The following TICRR variants were observed in gnomAD, a reference collection of about 807,000 sequenced individuals.
TICRR encodes the protein TOPBP1 interacting checkpoint and replication regulator, also known as treslin.
A neutral mutation model predicts 178.1 loss-of-function variants in TICRR; 132 were observed. The ratio of observed to expected loss-of-function variants is 0.74; its 90% CI spans 0.64 to 0.86. The LOEUF (loss-of-function observed/expected upper bound fraction) is 0.86. Ranked by LOEUF, TICRR falls within the 40% of genes least tolerant of loss-of-function variation. The pLI, the probability that TICRR is intolerant of heterozygous loss-of-function variation, is 0.00. For missense variants in TICRR, 2,587 were observed against 2,334.3 expected (o/e 1.11, Z -2.23); for synonymous variants, 991 against 900.7 (o/e 1.10, Z -1.79).
In TICRR at chr15:89,623,737, G is replaced by A; in HGVS notation, c.3427G>A (p.Ala1143Thr). The A allele has an allele frequency of 6.2e-7, 1 of 1,613,992 alleles. No homozygotes were observed. The highest frequency in any genetic ancestry group is 8.5e-7 in the Non-Finnish European group (1 of 1,180,016). ...TCCAGAAAGGCTGCAGAAGTCCCCT[G>A]CAAAAATGACCCCTACAAAGCAGGC... Reference protein sequence around the residue: ...YTPERLQKSPAKMTPTKQAAF... With the variant: ...YTPERLQKSPTKMTPTKQAAF... The change falls in exon 20 of 22, where the codon GCA becomes ACA. Residue 1143 changes from alanine (A) to threonine (T), a missense_variant. Ala to Thr is a moderately conservative substitution (Grantham distance 58, BLOSUM62 0). Transcript: ENST00000268138.
chr15:89,619,631 G>C, intron 17 of TICRR, 77 bp from the exon 18 acceptor site: 1 of 1,502,270 alleles, frequency 6.7e-7, no homozygotes, highest in East Asian at 2.3e-5. Context: ...TGTAAATTTT[G>C]CCCGGTTTTG....
At position 89,582,738 on chromosome 15, in the gene TICRR, A is replaced by G. The variant is rs908104602; in HGVS notation, c.707A>G (p.His236Arg). The G allele has an allele frequency of 2.5e-6, 4 of 1,614,092 alleles. No individual in the cohort carries two copies. The highest frequency in any genetic ancestry group is 2.7e-5 in the African/African-American group (2 of 74,920). The change falls in exon 2 of 22, where the codon CAC (histidine) becomes CGC (arginine). Residue 236 changes from histidine to arginine, a missense_variant. Transcript: ENST00000268138. ...TACTGGACTGTTTGTGAACTGCTCCACCACGGAGGTGGCACTGTCTTGCCA... is the reference window on the plus strand; with the variant it reads ...TACTGGACTGTTTGTGAACTGCTCCGCCACGGAGGTGGCACTGTCTTGCCA... ...LGYWTVCELLHHGGGTVLPSE... is the reference protein window; with the variant it reads ...LGYWTVCELLRHGGGTVLPSE...
intron 19 of TICRR, 94 bp from the exon 20 acceptor site, chr15:89,623,529 A>G: frequency 1.6e-6 from 2 of 1,274,072 alleles, no homozygotes; most frequent in Non-Finnish European, 2.2e-6. Context: ...TTGGCTGACT[A>G]TAAATCTCCC....
At chr15:89,626,578 G>C (rs1963531452) in intron 21 of TICRR, among the ~76,000 whole-genome samples, 1 of 152,114 alleles carries the variant, frequency 6.6e-6, no homozygotes, top group African/African-American at 2.4e-5. Context: ...TCTGCTGCTA[G>C]AATCAAAGGG....
chr15:89,599,533 G>A (rs370841826), intron 8 of TICRR, 58 bp downstream of exon 8: 2 of 1,557,564 alleles, frequency 1.3e-6, no homozygotes, highest in Non-Finnish European at 1.7e-6. Flanking sequence ...TGGTTGGTTG[G>A]TGGTGGATTT....
chr15:89,601,272 A>T, intron 9 of TICRR, 26 bp from the exon 10 acceptor site: 1 of 1,606,074 alleles, frequency 6.2e-7, no homozygotes, highest in Non-Finnish European at 8.5e-7. Flanking sequence ...CAAAGTAGAT[A>T]TGACCAAGTA....
Position 89,624,553 on chromosome 15 carries a change from G to A in TICRR, c.4243G>A (p.Ala1415Thr). The A allele has an allele frequency of 1.2e-6, 2 of 1,613,764 alleles. No individual in the cohort carries two copies. Among genetic ancestry groups the A allele is most frequent in the East Asian group, 2.2e-5 (1 of 44,868 alleles). The change falls in exon 20 of 22, where the codon GCT becomes ACT. Residue 1415 changes from alanine to threonine, a missense_variant. Coordinates refer to ENST00000268138, the MANE Select transcript of TICRR (RefSeq NM_152259.4). ...TGGGGTTGGCACAGCTGACAGCCCA[G>A]CTGCCCCCACAGACTCTAGAGATGA... ...TPGVGTADSP[A>T]APTDSRDDQK...
intron 4 of TICRR, among the ~76,000 whole-genome samples, chr15:89,591,084 G>C (rs1281791837): frequency 6.6e-6 from 1 of 152,140 alleles, no homozygotes; most frequent in Non-Finnish European, 1.5e-5. Context: ...GTGATATTCT[G>C]CAGTTTTGTT....
chr15:89,618,088 G>A (rs1963364296), intron 16 of TICRR, 64 bp from the exon 17 acceptor site: 13 of 1,507,090 alleles, frequency 8.6e-6, no homozygotes, highest in Non-Finnish European at 1.2e-5. Flanking sequence ...GAAGCTGCCT[G>A]TCTCCTTAAT....
In TICRR at chr15:89,623,513, A is replaced by C. The variant is rs1018336022; in HGVS notation, c.3313-110A>C. The C allele has an allele frequency of 1.4e-5, 16 of 1,136,380 alleles. No homozygotes were observed. In the African/African-American group the frequency reaches 1.6e-4, roughly 11 times the overall value. 70.4% of individuals were successfully genotyped at this position (1,136,380 alleles called of 1,614,324 possible). Reference sequence around the variant, plus strand: ...TATTTGAGATTTCCATCTTTAGATCATTCCTTTGGCTGACTATAAATCTCC... The same window carrying C: ...TATTTGAGATTTCCATCTTTAGATCCTTCCTTTGGCTGACTATAAATCTCC... On this transcript the variant is annotated intron_variant, in intron 19 of 21. Transcript: ENST00000268138.
At chr15:89,588,952 C>CCT (rs1962866043) in intron 4 of TICRR, among the ~76,000 whole-genome samples, 1 of 152,010 alleles carries the variant, frequency 6.6e-6, no homozygotes, top group African/African-American at 2.4e-5. Flanking sequence ...AAGGAGGATA[C>CCT]CAGCCCACCT....
At chr15:89,618,072 A>G in intron 16 of TICRR, 80 bp from the exon 17 acceptor site, 1 of 1,379,290 alleles carries the variant, frequency 7.3e-7, no homozygotes, top group Non-Finnish European at 1.0e-6. Flanking sequence ...TGATCTTGTT[A>G]AGTGAGAAGC....
In TICRR at chr15:89,591,843, GTGTC is replaced by G. The variant is rs1234510278; in HGVS notation, c.1412-200_1412-197del. 6 of 419,996 alleles carry G rather than the reference GTGTC, an allele frequency of 1.4e-5. No homozygotes were observed. In the Admixed American group the frequency reaches 1.5e-4, roughly 11 times the overall value. The allele number at this position is 419,996 out of a possible 1,614,324, so 26.0% of individuals were successfully genotyped here. On this transcript the variant is annotated intron_variant, in intron 4 of 21. Transcript: ENST00000268138. ...TAATAAGAACAAAAGACTTTAAATT[GTGTC>G]TGTATGTTTTTCAGTAGCATTTTTT...
In TICRR at chr15:89,576,036, G is replaced by A. The variant is rs1962607481; in HGVS notation, c.450G>A (p.Leu150=). The A allele has an allele frequency of 6.2e-7, 1 of 1,610,136 alleles. No homozygotes were observed. Among genetic ancestry groups the A allele is most frequent in the African/African-American group, 1.3e-5 (1 of 74,900 alleles). The change falls in exon 1 of 22, where the codon TTG becomes TTA. Residue 150 remains leucine (L), a synonymous_variant. Transcript: ENST00000268138. Reference sequence around the variant, plus strand: ...AGGCCGAGGCCGCGCTCGGGGGCTTGGTGAACGCCGTCTTCCTCCTGGCCC... The same window carrying A: ...AGGCCGAGGCCGCGCTCGGGGGCTTAGTGAACGCCGTCTTCCTCCTGGCCC... ...AKEAEAALGG[L]VNAVFLLAPC...
intron 21 of TICRR, 123 bp from the exon 22 acceptor site, chr15:89,626,833 C>T: frequency 9.2e-7 from 1 of 1,081,936 alleles, no homozygotes; most frequent in Non-Finnish European, 1.3e-6. Flanking sequence ...ATAAGCGAAC[C>T]TCCAAGCAGT....
rs768140486 is a variant in TICRR, at chr15:89,575,650, C to A, written c.64C>A (p.Arg22=). The change falls in exon 1 of 22, where the codon CGG becomes AGG. Residue 22 remains arginine, a synonymous_variant. Coordinates refer to ENST00000268138, the MANE Select transcript of TICRR (RefSeq NM_152259.4). ...DTAGGAARHS[R]VRRAALRLLT... The stretch of plus-strand genomic sequence containing the variant: ...CGCGGGCGGCGCCGCCCGCCACAGC[C>A]GGGTCCGGCGGGCCGCCCTGCGCCT... 2.6e-6 allele frequency: 4 copies of A among 1,568,406 alleles called. No individual in the cohort carries two copies. In the East Asian group the frequency reaches 9.5e-5, roughly 37 times the overall value.
chr15:89,576,455 A>G (rs1394159969), intron 1 of TICRR, among the ~76,000 whole-genome samples: 4 of 152,078 alleles, frequency 2.6e-5, no homozygotes, highest in African/African-American at 9.7e-5. Flanking sequence ...TTTGGGCCCT[A>G]CCTGCCTTCC....
intron 5 of TICRR, among the ~76,000 whole-genome samples, chr15:89,593,162 T>C (rs777774992): frequency 6.6e-6 from 1 of 151,930 alleles, no homozygotes; most frequent in Non-Finnish European, 1.5e-5. Flanking sequence ...CACACAAACA[T>C]CTGTTGAAAC....
rs147139741 is a variant in TICRR, at chr15:89,589,609, A to G, written c.1412-2438A>G. Among the ~76,000 whole-genome samples the G allele has an allele frequency of 2.0e-5, 3 of 152,314 alleles. No individual in the cohort carries two copies. The East Asian group carries it at 5.8e-4, about 29-fold the overall frequency. ...TAATCCAGCATACAACGACTTGAGA[A>G]GAAATCATGTCATGTTTATTCTCAT... On this transcript the variant is annotated intron_variant, in intron 4 of 21. Transcript: ENST00000268138.
Sources: gnomAD v4.1 joint callset for allele counts (sites outside exome capture counted in the v4.1 genomes callset) on GRCh38, gnomAD v4.1.1 for gene constraint, MANE v1.5 for transcripts, NCBI Gene and HGNC (gene_info 2026-07-23, HGNC 2026-07-21) for gene names.